ZMYM2: variants seen among roughly 807,000 people sequenced by gnomAD.
ZMYM2 encodes zinc finger MYM-type containing 2.
ZMYM2 carries 56 observed loss-of-function variants against 162.8 expected under a neutral mutation model. The ratio of observed to expected loss-of-function variants is 0.34; its 90% CI spans 0.28 to 0.43. ZMYM2 has a LOEUF of 0.43. ZMYM2 is among the 20% of genes least tolerant of loss of function. The pLI, the probability that ZMYM2 is intolerant of heterozygous loss-of-function variation, is 1.00. For synonymous variants in ZMYM2, 510 were observed against 541.6 expected (o/e 0.94, Z 0.81); for missense variants, 1,275 against 1,621.8 (o/e 0.79, Z 3.67).
chr13:19,866,489 A>C, the ZMYM2 span, among the ~76,000 whole-genome samples: 1 of 151,772 alleles, frequency 6.6e-6, no homozygotes, highest in South Asian at 2.1e-4. Context: ...AACATGGCGA[A>C]ACCCCGTCCC....
At chr13:19,914,409 C>T in the ZMYM2 span, among the ~76,000 whole-genome samples, 1,232 of 152,280 alleles carry the variant, frequency 8.1e-3, 17 homozygotes, top group South Asian at 0.011. Flanking sequence ...GGCATGAGCT[C>T]AGCAACATGA....
At chr13:20,073,484 C>T (rs1440710554) in intron 21 of ZMYM2, among the ~76,000 whole-genome samples, 3 of 152,132 alleles carry the variant, frequency 2.0e-5, no homozygotes, top group Middle Eastern at 3.2e-3. Flanking sequence ...TAATTTTTCT[C>T]TTGTATTGAG....
chr13:20,048,822 C>T (rs536394651), intron 12 of ZMYM2, among the ~76,000 whole-genome samples: 19 of 149,906 alleles, frequency 1.3e-4, no homozygotes, highest in Non-Finnish European at 2.1e-4. Context: ...TTTTTTTTCC[C>T]CCTCCCTCTT....
intron 6 of ZMYM2, among the ~76,000 whole-genome samples, chr13:20,010,404 G>A (rs1951076738): frequency 6.6e-6 from 1 of 150,512 alleles, no homozygotes; most frequent in African/African-American, 2.5e-5. Context: ...CATTCGCCAT[G>A]TTGTTCAGGC....
At position 20,006,357 on chromosome 13, in the gene ZMYM2, GT is replaced by G. The variant is rs764439188; in HGVS notation, c.1300-14del. 2.1e-5 allele frequency: 32 copies of G among 1,551,098 alleles called. No individual in the cohort carries two copies. Among genetic ancestry groups the G allele is most frequent in the Non-Finnish European group, 2.7e-5 (31 of 1,146,092 alleles). On this transcript the variant is annotated splice_polypyrimidine_tract_variant and intron_variant, in intron 5 of 24. Coordinates refer to ENST00000610343, the MANE Select transcript of ZMYM2 (RefSeq NM_197968.4). ...AGATTGATCTGTTTTGTAAGATTTT[GT>G]TTATTTTTCTTTTAGATTCGCCATG...
rs147195740 is a variant in ZMYM2, at chr13:20,007,516, A to G, written c.1512+930A>G. On this transcript the variant is annotated intron_variant, in intron 6 of 24. Transcript: ENST00000610343. ...TGGAAAGGTAGTCTGTGTGATTTCA[A>G]TCTTCATAAATTTATTTATTAAATG... 7.6e-3 allele frequency among the ~76,000 whole-genome samples: 1,149 copies of G among 152,136 alleles called. 17 individuals carry two copies. Among genetic ancestry groups the G allele is most frequent in the African/African-American group, 0.025 (1,028 of 41,498 alleles).
intron 6 of ZMYM2, among the ~76,000 whole-genome samples, chr13:20,016,212 A>G (rs1239002414): frequency 6.6e-6 from 1 of 152,040 alleles, no homozygotes; most frequent in African/African-American, 2.4e-5. Flanking sequence ...GGCTTTACAT[A>G]TAACATCCTA....
chr13:20,021,612 G>T (rs1379483687), intron 7 of ZMYM2, among the ~76,000 whole-genome samples: 1 of 152,088 alleles, frequency 6.6e-6, no homozygotes, highest in African/African-American at 2.4e-5. Flanking sequence ...CTACCGCGGT[G>T]ATACCTGGAG....
At chr13:19,916,782 G>A in the ZMYM2 span, among the ~76,000 whole-genome samples, 5 of 152,038 alleles carry the variant, frequency 3.3e-5, no homozygotes, top group African/African-American at 7.2e-5. Context: ...TGATGGGTGC[G>A]GCAAACCAAC....
At chr13:19,920,931 T>C in the ZMYM2 span, among the ~76,000 whole-genome samples, 2 of 151,600 alleles carry the variant, frequency 1.3e-5, no homozygotes, top group Middle Eastern at 6.8e-3. Context: ...CCCAGCTAAT[T>C]TTTGTATTTT....
At chr13:19,906,009 G>T in the ZMYM2 span, among the ~76,000 whole-genome samples, 1,041 of 151,728 alleles carry the variant, frequency 6.9e-3, 7 homozygotes, top group African/African-American at 0.024. Context: ...GGGCGTGGTG[G>T]TGACACCTGT....
At chr13:20,001,620 A>C (rs578028064) in intron 3 of ZMYM2, among the ~76,000 whole-genome samples, 1 of 152,320 alleles carries the variant, frequency 6.6e-6, no homozygotes, top group South Asian at 2.1e-4. Context: ...GGGTTTGAGA[A>C]GATTGACTCT....
At chr13:19,889,562 C>T in the ZMYM2 span, among the ~76,000 whole-genome samples, 362 of 151,960 alleles carry the variant, frequency 2.4e-3, 9 homozygotes, top group African/African-American at 8.3e-3. Context: ...TCAGGAGATC[C>T]GCCCGCCTCA....
chr13:20,059,944 A>G (rs1363526645), intron 16 of ZMYM2, among the ~76,000 whole-genome samples: 1 of 152,130 alleles, frequency 6.6e-6, no homozygotes, highest in African/African-American at 2.4e-5. Context: ...TGAGGTAGGA[A>G]GATTGCTTGA....
At chr13:20,082,676 G>C (rs1171967460) in intron 22 of ZMYM2, 105 bp from the exon 23 acceptor site, 2 of 979,978 alleles carry the variant, frequency 2.0e-6, no homozygotes, top group Non-Finnish European at 2.9e-6. Flanking sequence ...TATGAAAGGA[G>C]AATTGGTATA....
At chr13:19,884,406 C>T in the ZMYM2 span, among the ~76,000 whole-genome samples, 17 of 152,122 alleles carry the variant, frequency 1.1e-4, no homozygotes, top group Non-Finnish European at 2.2e-4. Context: ...TAACCCCCAT[C>T]TATGACTAAC....
At chr13:19,932,632 C>T in the ZMYM2 span, among the ~76,000 whole-genome samples, 10 of 151,140 alleles carry the variant, frequency 6.6e-5, no homozygotes, top group Admixed American at 5.3e-4. Context: ...GGTGACAGAG[C>T]GAGAATTCAT....
At chr13:19,864,286 C>T in the ZMYM2 span, 1 of 154,978 alleles carries the variant, frequency 6.5e-6, no homozygotes, top group Non-Finnish European at 1.5e-5. Flanking sequence ...AATAGTCCCC[C>T]ACCTCCCGCC....
chr13:20,035,454 CAA>C (rs1235358125), intron 11 of ZMYM2, among the ~76,000 whole-genome samples: 2 of 152,124 alleles, frequency 1.3e-5, no homozygotes, highest in East Asian at 3.9e-4. Flanking sequence ...TGAAAAATGA[CAA>C]ATCTTACAAT....
Sources: allele counts gnomAD v4.1 joint callset (sites outside exome capture counted in the v4.1 genomes callset), GRCh38; gene constraint gnomAD v4.1.1; transcripts MANE v1.5; gene names NCBI Gene and HGNC (gene_info 2026-07-23, HGNC 2026-07-21).